The following EFL1 variants were observed in gnomAD, a reference collection of about 807,000 sequenced individuals.
EFL1 encodes the protein elongation factor-like GTPase 1.
A neutral mutation model predicts 126.7 loss-of-function variants in EFL1; 76 were observed. The ratio of observed to expected loss-of-function variants is 0.60; its 90% confidence interval spans 0.50 to 0.73. The LOEUF is 0.73. Ranked by LOEUF, EFL1 falls within the 30% of genes least tolerant of loss-of-function variation. The pLI is 0.00. For synonymous variants in EFL1, 410 were observed against 448.4 expected (o/e 0.91, Z 1.08); for missense variants, 1,128 against 1,343.2 (o/e 0.84, Z 2.50).
At chr15:82,130,854 C>A (rs1486984631) in intron 19 of EFL1, among the ~76,000 whole-genome samples, 4 of 151,798 alleles carry the variant, frequency 2.6e-5, no homozygotes, top group Non-Finnish European at 5.9e-5. Context: ...ACAACAACAA[C>A]AACAACAAAA....
chr15:82,224,980 T>C lies in EFL1; in HGVS notation c.1292+185A>G, dbSNP rs141129500. ...AGAGCTGATTTCAACAACTTTCTCC[T>C]ACAGAGGTATCACAAAAGGATATAC... On this transcript the variant is annotated intron_variant, in intron 12 of 19. Transcript: ENST00000268206. Among the ~76,000 whole-genome samples, 149 of 152,334 alleles carry C rather than the reference T, an allele frequency of 9.8e-4. 1 individual carries two copies. The East Asian group carries it at 0.025, about 25-fold the overall frequency.
intron 15 of EFL1, among the ~76,000 whole-genome samples, chr15:82,183,108 T>C (rs2074269322): frequency 6.6e-6 from 1 of 152,152 alleles, no homozygotes; most frequent in African/African-American, 2.4e-5. Context: ...GCTGAGGAGA[T>C]GGCAAAACCA....
At position 82,150,718 on chromosome 15, in the gene EFL1, C is replaced by A. The variant is rs560654827; in HGVS notation, c.2989+747G>T. ...ATATAATGGTTAGCAGTGAATAAAGCCCCAAATAATTTTCTTTCTCAGAAA... is the reference window on the plus strand; with the variant it reads ...ATATAATGGTTAGCAGTGAATAAAGACCCAAATAATTTTCTTTCTCAGAAA... On this transcript the variant is annotated intron_variant, in intron 18 of 19. Transcript: ENST00000268206. 5.3e-5 allele frequency among the ~76,000 whole-genome samples: 8 copies of A among 152,194 alleles called. No homozygotes were observed. The South Asian group carries it at 1.7e-3, about 32-fold the overall frequency.
At chr15:82,212,162 C>A (rs2074597527) in intron 15 of EFL1, among the ~76,000 whole-genome samples, 8 of 152,124 alleles carry the variant, frequency 5.3e-5, no homozygotes, top group Admixed American at 3.9e-4. Flanking sequence ...ATTACAAATA[C>A]AATTTTGTTA....
At chr15:82,242,003 T>C (rs1408816834) in intron 4 of EFL1, among the ~76,000 whole-genome samples, 1 of 152,194 alleles carries the variant, frequency 6.6e-6, no homozygotes, top group Non-Finnish European at 1.5e-5. Context: ...TGTATTAAAC[T>C]TATAGTAGGG....
At chr15:82,213,683 G>C (rs1347501609) in intron 15 of EFL1, among the ~76,000 whole-genome samples, 2 of 152,178 alleles carry the variant, frequency 1.3e-5, no homozygotes, top group African/African-American at 4.8e-5. Flanking sequence ...TAATCTCAAG[G>C]AAGGCTTATG....
chr15:82,258,623 C>T (rs1018918895), intron 3 of EFL1, among the ~76,000 whole-genome samples: 4 of 152,222 alleles, frequency 2.6e-5, no homozygotes, highest in African/African-American at 9.6e-5. Flanking sequence ...TCCTTTGATA[C>T]TTAGGTTAAC....
At chr15:82,206,593 T>C (rs1486852245) in intron 15 of EFL1, among the ~76,000 whole-genome samples, 1 of 152,130 alleles carries the variant, frequency 6.6e-6, no homozygotes, top group Non-Finnish European at 1.5e-5. Flanking sequence ...TTCTAGCACA[T>C]AGTAAGCTCT....
At chr15:82,185,242 A>T (rs1441503932) in intron 15 of EFL1, among the ~76,000 whole-genome samples, 1 of 151,254 alleles carries the variant, frequency 6.6e-6, no homozygotes, top group Non-Finnish European at 1.5e-5. Context: ...GAGTGAAAAC[A>T]CTGGGTCACC....
chr15:82,256,805 C>T (rs1038100570), intron 3 of EFL1, among the ~76,000 whole-genome samples: 1 of 152,036 alleles, frequency 6.6e-6, no homozygotes, highest in African/African-American at 2.4e-5. Context: ...TCTTGAATTC[C>T]TTGGGATAAA....
intron 12 of EFL1, among the ~76,000 whole-genome samples, chr15:82,221,276 A>C (rs1379727706): frequency 6.6e-6 from 1 of 151,990 alleles, no homozygotes; most frequent in East Asian, 1.9e-4. Context: ...CCTAACTGAT[A>C]ACCTTCATCC....
At position 82,238,322 on chromosome 15, in the gene EFL1, T is replaced by C; in HGVS notation, c.716A>G (p.Asp239Gly). Reference protein sequence around the residue: ...QGNVVFTSAIDGWGFGIEHFA... With the variant: ...QGNVVFTSAIGGWGFGIEHFA... ...ACAGACTTACCCAAAGCCCCACCCA[T>C]CTATTGCACTGGTAAACACCACATT... Residue 239 changes from aspartate to glycine, a missense_variant, in exon 7 of 20, where the codon GAT (aspartate) becomes GGT (glycine). Transcript: ENST00000268206. 3.1e-6 allele frequency: 5 copies of C among 1,614,104 alleles called. No individual in the cohort carries two copies. The highest frequency in any genetic ancestry group is 3.4e-6 in the Non-Finnish European group (4 of 1,180,016).
chr15:82,244,016 G>C (rs2074948809), intron 4 of EFL1, among the ~76,000 whole-genome samples: 2 of 152,100 alleles, frequency 1.3e-5, no homozygotes, highest in South Asian at 4.1e-4. Context: ...GTTTAACCTG[G>C]AGTTTCTCAA....
intron 15 of EFL1, among the ~76,000 whole-genome samples, chr15:82,166,555 AG>A (rs2074081699): frequency 6.6e-6 from 1 of 152,242 alleles, no homozygotes; most frequent in Non-Finnish European, 1.5e-5. Flanking sequence ...ATCACTATAA[AG>A]TGACTTTAAA....
chr15:82,250,731 G>A lies in EFL1; in HGVS notation c.244+1960C>T, dbSNP rs191047766. Among the ~76,000 whole-genome samples, 1,171 of 152,110 alleles carry A rather than the reference G, an allele frequency of 7.7e-3. 12 individuals carry two copies. Among genetic ancestry groups the A allele is most frequent in the Non-Finnish European group, 9.7e-3 (658 of 68,016 alleles). ...AGGATCCATAAACTTTTACTGATAC[G>A]GTCTCTAGAGCTATCTTGGATCCAG... On this transcript the variant is annotated intron_variant, in intron 4 of 19. Transcript: ENST00000268206.
At chr15:82,233,416 AT>A (rs1215608890) in intron 7 of EFL1, among the ~76,000 whole-genome samples, 2 of 152,218 alleles carry the variant, frequency 1.3e-5, no homozygotes, top group African/African-American at 4.8e-5. Flanking sequence ...CTACTGATCT[AT>A]TCATTGCCTA....
intron 7 of EFL1, among the ~76,000 whole-genome samples, chr15:82,234,575 C>T (rs1341089734): frequency 1.3e-5 from 2 of 151,930 alleles, no homozygotes; most frequent in East Asian, 1.9e-4. Context: ...CTGCCCTGCC[C>T]AAGACAAAAT....
rs1290803118 is a variant in EFL1 at position 82,197,587 on chromosome 15, T to C, written c.1750+17130A>G. Among the ~76,000 whole-genome samples the C allele has an allele frequency of 2.6e-5, 4 of 152,204 alleles. No homozygotes were observed. The East Asian group carries it at 7.7e-4, about 29-fold the overall frequency. On this transcript the variant is annotated intron_variant, in intron 15 of 19. Coordinates refer to ENST00000268206, the MANE Select transcript of EFL1 (RefSeq NM_024580.6). ...GCTCACTAAACAGCATATATTTTCATAATAATGCTTTTTTCCAACTAGAAA... is the reference window on the plus strand; with the variant it reads ...GCTCACTAAACAGCATATATTTTCACAATAATGCTTTTTTCCAACTAGAAA...
At chr15:82,252,979 G>C (rs1385077916) in intron 3 of EFL1, among the ~76,000 whole-genome samples, 1 of 151,806 alleles carries the variant, frequency 6.6e-6, no homozygotes, top group South Asian at 2.1e-4. Flanking sequence ...GCCTCCCAAA[G>C]TGCTGAGATT....
Sources: gnomAD v4.1 joint callset for allele counts (sites outside exome capture counted in the v4.1 genomes callset) on GRCh38, gnomAD v4.1.1 for gene constraint, MANE v1.5 for transcripts, NCBI Gene and HGNC (gene_info 2026-07-23, HGNC 2026-07-21) for gene names.